The following CSMD1 variants were observed in gnomAD, a reference collection of about 807,000 sequenced individuals.
CSMD1 encodes the protein CUB and sushi domain-containing protein 1.
In CSMD1, 213 loss-of-function variants were observed where a neutral mutation model predicts 417.5. That is an observed-to-expected ratio of 0.51 (90% CI 0.46 to 0.57). CSMD1 has a LOEUF of 0.57. Among genes scored for constraint, CSMD1 ranks in the 20% least tolerant of loss-of-function variants. The pLI is 0.00. For missense variants in CSMD1, 6,923 were observed against 4,529.7 expected (o/e 1.53, Z -15.17); for synonymous variants, 2,862 against 1,736.8 (o/e 1.65, Z -16.11).
intron 1 of CSMD1, among the ~76,000 whole-genome samples, chr8:4,890,551 G>A (rs990803925): frequency 1.3e-5 from 2 of 149,862 alleles, no homozygotes; most frequent in East Asian, 4.0e-4. Flanking sequence ...CTCTCCTTCA[G>A]GTCCTCACAG....
chr8:4,727,494 C>T (rs536035477), intron 1 of CSMD1, among the ~76,000 whole-genome samples: 1 of 152,152 alleles, frequency 6.6e-6, no homozygotes, highest in African/African-American at 2.4e-5. Flanking sequence ...TGATTTGGCA[C>T]TTTCAAAAAG....
At chr8:4,235,777 C>A (rs918730018) in intron 3 of CSMD1, among the ~76,000 whole-genome samples, 2 of 152,116 alleles carry the variant, frequency 1.3e-5, no homozygotes, top group South Asian at 2.1e-4. Context: ...GACCCCTAGT[C>A]TTTTTCTTTT....
rs537624530 is a variant in CSMD1, at chr8:3,856,806, C to A, written c.819-102764G>T. On this transcript the variant is annotated intron_variant, in intron 5 of 69. Transcript: ENST00000635120. ...AGCATATTACAGATACAGGCTACTC[C>A]CTCAGGCTGGGGCCCAAAGTTAACA... is the stretch of plus-strand genomic sequence containing the variant. 1.7e-4 allele frequency among the ~76,000 whole-genome samples: 26 copies of A among 152,228 alleles called. 1 individual carries two copies. Among genetic ancestry groups the A allele is most frequent in the African/African-American group, 6.3e-4 (26 of 41,552 alleles).
intron 2 of CSMD1, among the ~76,000 whole-genome samples, chr8:4,484,713 T>C (rs1801276802): frequency 6.6e-6 from 1 of 151,948 alleles, no homozygotes; most frequent in African/African-American, 2.4e-5. Flanking sequence ...CTCACGCCTG[T>C]AATCTCAGCA....
At chr8:4,916,023 G>T (rs187081876) in intron 1 of CSMD1, among the ~76,000 whole-genome samples, 2 of 152,084 alleles carry the variant, frequency 1.3e-5, no homozygotes, top group African/African-American at 2.4e-5. Flanking sequence ...GTTGCCCCTC[G>T]TTCATAGAAT....
At chr8:3,543,082 G>T (rs1798509129) in intron 10 of CSMD1, among the ~76,000 whole-genome samples, 1 of 152,172 alleles carries the variant, frequency 6.6e-6, no homozygotes, top group South Asian at 2.1e-4. Flanking sequence ...AGTGCAAAGG[G>T]AACCTGCTTC....
intron 5 of CSMD1, among the ~76,000 whole-genome samples, chr8:3,982,160 A>AATAAT (rs1813920345): frequency 1.1e-5 from 1 of 89,526 alleles, no homozygotes; most frequent in Non-Finnish European, 2.4e-5. Context: ...TCTATCTCAA[A>AATAAT]AATAATAATA....
chr8:4,107,493 A>T (rs576616107), intron 3 of CSMD1, among the ~76,000 whole-genome samples: 16 of 152,330 alleles, frequency 1.1e-4, no homozygotes, highest in Admixed American at 1.0e-3. Flanking sequence ...TATTTCAAAC[A>T]CCGAAGAATT....
At chr8:4,418,442 A>G (rs951965388) in intron 3 of CSMD1, among the ~76,000 whole-genome samples, 1 of 152,148 alleles carries the variant, frequency 6.6e-6, no homozygotes, top group African/African-American at 2.4e-5. Context: ...ATTTCTCAAC[A>G]GCGATGGAGT....
At chr8:4,784,349 C>T (rs1404505218) in intron 1 of CSMD1, among the ~76,000 whole-genome samples, 1 of 152,156 alleles carries the variant, frequency 6.6e-6, no homozygotes. Flanking sequence ...GGAAAATTCC[C>T]CCTGCAGGGT....
chr8:3,818,043 C>T (rs2720739), intron 5 of CSMD1, among the ~76,000 whole-genome samples: 71,238 of 151,924 alleles, frequency 0.47, 17,739 homozygotes, highest in African/African-American at 0.63. Context: ...CCACGACTCT[C>T]GTTCTATTCG....
At chr8:3,054,507 A>G (rs1812082067) in intron 49 of CSMD1, among the ~76,000 whole-genome samples, 2 of 152,156 alleles carry the variant, frequency 1.3e-5, no homozygotes, top group Admixed American at 1.3e-4. Flanking sequence ...TGTCCCAGCT[A>G]CTCAGGAGGC....
At chr8:3,382,721 C>G (rs1356412271) in intron 18 of CSMD1, among the ~76,000 whole-genome samples, 2 of 150,988 alleles carry the variant, frequency 1.3e-5, no homozygotes, top group East Asian at 3.9e-4. Context: ...CATTTCTTCT[C>G]TCTTCCAGTA....
intron 2 of CSMD1, among the ~76,000 whole-genome samples, chr8:4,466,306 G>A (rs1016448019): frequency 1.3e-5 from 2 of 152,010 alleles, no homozygotes; most frequent in Non-Finnish European, 2.9e-5. Context: ...AGGAGGAGGA[G>A]AAACAGAAGA....
chr8:4,125,479 C>T (rs571018444), intron 3 of CSMD1, among the ~76,000 whole-genome samples: 3 of 152,296 alleles, frequency 2.0e-5, no homozygotes, highest in Non-Finnish European at 2.9e-5. Context: ...AACCAAGCTG[C>T]GCCCCGGCCG....
chr8:4,459,864 C>T (rs1478610564), intron 2 of CSMD1, among the ~76,000 whole-genome samples: 2 of 152,118 alleles, frequency 1.3e-5, no homozygotes, highest in African/African-American at 2.4e-5. Context: ...CCTACCAGAG[C>T]CTCAAAATAT....
At chr8:4,848,114 T>C (rs560361528) in intron 1 of CSMD1, among the ~76,000 whole-genome samples, 1 of 152,310 alleles carries the variant, frequency 6.6e-6, no homozygotes, top group East Asian at 1.9e-4. Context: ...TTTTTGGATA[T>C]TGTCAAGGTT....
chr8:3,959,876 G>C (rs908869869), intron 5 of CSMD1, among the ~76,000 whole-genome samples: 1 of 152,196 alleles, frequency 6.6e-6, no homozygotes, highest in Non-Finnish European at 1.5e-5. Context: ...TATAACGTGT[G>C]ATCTGCCTTC....
chr8:4,210,986 C>G (rs374562931), intron 3 of CSMD1, among the ~76,000 whole-genome samples: 1 of 152,222 alleles, frequency 6.6e-6, no homozygotes, highest in African/African-American at 2.4e-5. Context: ...CAGGCAATTA[C>G]TACAAACAGA....
Sources: allele counts gnomAD v4.1 joint callset (sites outside exome capture counted in the v4.1 genomes callset), GRCh38; gene constraint gnomAD v4.1.1; transcripts MANE v1.5; gene names NCBI Gene and HGNC (gene_info 2026-07-23, HGNC 2026-07-21).